Variants in DLG2 observed in about 807,000 individuals in gnomAD.
The protein encoded by DLG2 is disks large homolog 2.
Under a neutral mutation model 132.5 loss-of-function variants are expected in DLG2, and 45 were observed. The ratio of observed to expected loss-of-function variants is 0.34; its 90% CI spans 0.27 to 0.44. The LOEUF is 0.44. Among genes scored for constraint, DLG2 ranks in the 20% least tolerant of loss-of-function variants. The pLI is 1.00. For missense variants in DLG2, 1,045 were observed against 1,196.9 expected, an observed-to-expected ratio of 0.87 and a Z score of 1.87; for synonymous variants, 424 against 419.6, an observed-to-expected ratio of 1.01 and a Z score of -0.13.
intron 4 of DLG2, among the ~76,000 whole-genome samples, chr11:85,236,801 A>G: frequency 6.6e-6 from 1 of 152,102 alleles, no homozygotes; most frequent in East Asian, 1.9e-4. Flanking sequence ...TCACATAGTT[A>G]TTCAAAAAGT....
intron 19 of DLG2, among the ~76,000 whole-genome samples, chr11:83,574,665 T>A (rs2096847356): frequency 6.6e-6 from 1 of 152,196 alleles, no homozygotes; most frequent in Non-Finnish European, 1.5e-5. Context: ...AGCTGCAGGA[T>A]GAGCTGCTAC....
intron 6 of DLG2, among the ~76,000 whole-genome samples, chr11:84,667,498 G>GTTTTTTTTTTTTTTTTTTTTTTTTGT (rs57863742): frequency 1.6e-5 from 2 of 122,266 alleles, no homozygotes; most frequent in African/African-American, 3.1e-5. Flanking sequence ...TTTGTTTTTT[G>GTTTTTTTTTTTTTTTTTTTTTTTTGT]TTTTTTTTTT....
At chr11:84,385,448 C>T (rs996771959) in intron 7 of DLG2, among the ~76,000 whole-genome samples, 3 of 152,088 alleles carry the variant, frequency 2.0e-5, no homozygotes, top group Non-Finnish European at 2.9e-5. Context: ...TTCTCCAGAG[C>T]TCATGATCTC....
intron 6 of DLG2, among the ~76,000 whole-genome samples, chr11:84,734,076 C>A (rs549000452): frequency 1.3e-5 from 2 of 152,132 alleles, no homozygotes; most frequent in South Asian, 4.1e-4. Context: ...TAGCATGATG[C>A]CTCCAGCTTT....
intron 6 of DLG2, among the ~76,000 whole-genome samples, chr11:84,818,576 G>T (rs1191432156): frequency 6.6e-6 from 1 of 151,788 alleles, no homozygotes; most frequent in Non-Finnish European, 1.5e-5. Flanking sequence ...GCTAAAGAAG[G>T]TCTCTTACTT....
At chr11:85,418,731 T>A (rs911282836) in intron 3 of DLG2, among the ~76,000 whole-genome samples, 3 of 152,196 alleles carry the variant, frequency 2.0e-5, no homozygotes, top group Admixed American at 6.6e-5. Flanking sequence ...TTTGTTGGTT[T>A]ATCAGAGACT....
At chr11:84,401,684 A>T (rs1040434109) in intron 7 of DLG2, among the ~76,000 whole-genome samples, 1 of 152,182 alleles carries the variant, frequency 6.6e-6, no homozygotes, top group Non-Finnish European at 1.5e-5. Flanking sequence ...AAATAACTTT[A>T]CTACACTCTA....
intron 3 of DLG2, among the ~76,000 whole-genome samples, chr11:85,571,077 C>A (rs1038093650): frequency 6.6e-6 from 1 of 152,072 alleles, no homozygotes; most frequent in Non-Finnish European, 1.5e-5. Flanking sequence ...GATTTAAAAT[C>A]TTTGCCTAGT....
At chr11:85,508,616 T>C (rs989996516) in intron 3 of DLG2, among the ~76,000 whole-genome samples, 2 of 152,064 alleles carry the variant, frequency 1.3e-5, no homozygotes, top group Admixed American at 6.6e-5. Flanking sequence ...AACTGATATA[T>C]CTCTAGTTTC....
chr11:84,930,497 C>A (rs1371383894), intron 6 of DLG2, among the ~76,000 whole-genome samples: 1 of 152,156 alleles, frequency 6.6e-6, no homozygotes, highest in East Asian at 1.9e-4. Context: ...CCTCCATCCT[C>A]TTTTGAAAGG....
intron 7 of DLG2, chr11:84,273,048 C>T (rs2097748607): frequency 5.9e-6 from 6 of 1,016,096 alleles, no homozygotes; most frequent in Non-Finnish European, 7.9e-6. Flanking sequence ...TAACTATGAT[C>T]ATCAAATGCA....
At chr11:85,298,281 T>A (rs1596039563) in intron 3 of DLG2, among the ~76,000 whole-genome samples, 1 of 152,144 alleles carries the variant, frequency 6.6e-6, no homozygotes, top group Admixed American at 6.5e-5. Flanking sequence ...TGGTTTTCAA[T>A]AGAGATAGAT....
intron 6 of DLG2, among the ~76,000 whole-genome samples, chr11:84,608,937 G>T (rs984018750): frequency 6.6e-6 from 1 of 152,170 alleles, no homozygotes; most frequent in Admixed American, 6.5e-5. Context: ...TAGAAAGAGG[G>T]TCACACATCT....
rs2099618934 is a variant in DLG2, at chr11:84,624,526, T to C, written c.358-89795A>G. Among the ~76,000 whole-genome samples the C allele has an allele frequency of 2.6e-5, 4 of 152,220 alleles. No individual in the cohort carries two copies. In the South Asian group the frequency reaches 8.3e-4, roughly 32 times the overall value. On this transcript the variant is annotated intron_variant, in intron 6 of 27. Transcript: ENST00000376104. ...TGTAGTTATAACTCCTACTAGGAGT[T>C]CTCATACATTAAGCATTTATTGCTC...
At chr11:84,813,958 C>G (rs1249650000) in intron 6 of DLG2, among the ~76,000 whole-genome samples, 1 of 152,042 alleles carries the variant, frequency 6.6e-6, no homozygotes, top group South Asian at 2.1e-4. Context: ...GAAGCTGTAA[C>G]AGAAAGGAAA....
intron 7 of DLG2, among the ~76,000 whole-genome samples, chr11:84,356,982 G>A (rs528658047): frequency 1.3e-5 from 2 of 152,182 alleles, no homozygotes; most frequent in African/African-American, 4.8e-5. Context: ...ATGTGCTCAA[G>A]AATGAGTAAG....
At chr11:85,162,155 A>G (rs914030083) in intron 4 of DLG2, among the ~76,000 whole-genome samples, 2 of 152,182 alleles carry the variant, frequency 1.3e-5, no homozygotes, top group African/African-American at 4.8e-5. Context: ...GGCTGGTGTG[A>G]CTGACCCGGA....
At chr11:83,928,705 G>C (rs1038542816) in intron 15 of DLG2, among the ~76,000 whole-genome samples, 1 of 152,010 alleles carries the variant, frequency 6.6e-6, no homozygotes, top group African/African-American at 2.4e-5. Flanking sequence ...GGCAAGTCAG[G>C]CAACTTATCA....
rs1565751003 is a variant in DLG2 at position 84,714,646 on chromosome 11, T to TC, written c.358-179916_358-179915insG. ...CTTTCTCTCTCTCTCTCTCTCTCTC[T>TC]TTCTCTCTCTCTCTCTCTCTCTCTC... On this transcript the variant is annotated intron_variant, in intron 6 of 27. Coordinates refer to ENST00000376104, the MANE Select transcript of DLG2 (RefSeq NM_001142699.3). Among the ~76,000 whole-genome samples the TC allele has an allele frequency of 4.0e-3, 517 of 130,570 alleles. 15 individuals are homozygous for TC. Among genetic ancestry groups the TC allele is most frequent in the African/African-American group, 9.5e-3 (289 of 30,338 alleles). The allele number at this position is 130,570 out of a possible 152,430, so 85.7% of individuals were successfully genotyped here.
Sources: gnomAD v4.1 joint callset for allele counts (sites outside exome capture counted in the v4.1 genomes callset) on GRCh38, gnomAD v4.1.1 for gene constraint, MANE v1.5 for transcripts, NCBI Gene and HGNC (gene_info 2026-07-23, HGNC 2026-07-21) for gene names.